The following GLIS3 variants were observed in gnomAD, a reference collection of about 807,000 sequenced individuals.
The protein encoded by GLIS3 is zinc finger protein GLIS3.
In GLIS3, 53 loss-of-function variants were observed where a neutral mutation model predicts 78.6. That is an observed-to-expected ratio of 0.67 (90% CI 0.54 to 0.85). GLIS3 has a LOEUF of 0.85. GLIS3 is among the 40% of genes least tolerant of loss of function. The probability of loss-of-function intolerance (pLI) is 0.00; values close to 1 mark genes in which losing one functional copy is unlikely to be tolerated. For synonymous variants in GLIS3, 684 were observed against 509.9 expected, an observed-to-expected ratio of 1.34 and a Z score of -4.60; for missense variants, 1,703 against 1,231.1, an observed-to-expected ratio of 1.38 and a Z score of -5.74.
At chr9:4,450,763 A>G in the GLIS3 span, among the ~76,000 whole-genome samples, 5 of 152,228 alleles carry the variant, frequency 3.3e-5, no homozygotes, top group African/African-American at 9.6e-5. Flanking sequence ...TCACAAGTGA[A>G]GGAGAAATAA....
intron 4 of GLIS3, among the ~76,000 whole-genome samples, chr9:4,094,016 A>G (rs1829737508): frequency 6.6e-6 from 1 of 152,182 alleles, no homozygotes; most frequent in Non-Finnish European, 1.5e-5. Context: ...TCCTCGTTGA[A>G]TTCAGTTTCC....
chr9:4,083,736 G>GA (rs1391556034), intron 4 of GLIS3, among the ~76,000 whole-genome samples: 3 of 152,080 alleles, frequency 2.0e-5, no homozygotes, highest in Non-Finnish European at 4.4e-5. Context: ...AAAAACACAA[G>GA]AAAAAATCCA....
At chr9:4,148,132 A>G (rs576972432) in intron 2 of GLIS3, among the ~76,000 whole-genome samples, 1 of 152,158 alleles carries the variant, frequency 6.6e-6, no homozygotes, top group Non-Finnish European at 1.5e-5. Flanking sequence ...TTAACATTTA[A>G]CTTGAACACC....
the GLIS3 span, among the ~76,000 whole-genome samples, chr9:4,362,547 G>A: frequency 3.3e-5 from 5 of 152,178 alleles, no homozygotes; most frequent in African/African-American, 4.8e-5. Context: ...CTCAAAAACA[G>A]GCATTTTATG....
intron 4 of GLIS3, among the ~76,000 whole-genome samples, chr9:3,969,212 A>C (rs117514266): frequency 1.7e-3 from 263 of 152,332 alleles, no homozygotes; most frequent in South Asian, 4.1e-3. Flanking sequence ...ACAGACGATT[A>C]ATTTGTCAGC....
chr9:4,196,903 CCT>C (rs998283213), intron 2 of GLIS3, among the ~76,000 whole-genome samples: 2 of 152,162 alleles, frequency 1.3e-5, no homozygotes, highest in African/African-American at 4.8e-5. Context: ...AGCCTGTTCC[CCT>C]GAGATCATGG....
intron 2 of GLIS3, among the ~76,000 whole-genome samples, chr9:4,137,873 C>T (rs983144768): frequency 1.3e-5 from 2 of 152,180 alleles, no homozygotes; most frequent in African/African-American, 4.8e-5. Context: ...GAAATGTAAG[C>T]ACATTTTACT....
Position 3,877,245 on chromosome 9 carries a change from A to AT in GLIS3, c.2297+2181dup, listed in dbSNP as rs569740617. Among the ~76,000 whole-genome samples the AT allele has an allele frequency of 3.6e-4, 53 of 147,814 alleles. 1 individual carries two copies. The highest frequency in any genetic ancestry group is 6.4e-4 in the Non-Finnish European group (42 of 65,352). ...CCAAACAGAAAACTATATAAAATGCATTTTTTTAAAAAAATCTTAATTTAT... is the reference window on the plus strand; with the variant it reads ...CCAAACAGAAAACTATATAAAATGCATTTTTTTTAAAAAAATCTTAATTTAT... On this transcript the variant is annotated intron_variant, in intron 8 of 10. Transcript: ENST00000381971.
intron 2 of GLIS3, among the ~76,000 whole-genome samples, chr9:4,256,497 T>C (rs963518567): frequency 5.9e-5 from 9 of 152,180 alleles, no homozygotes; most frequent in Non-Finnish European, 1.2e-4. Context: ...CCGGTAAAAT[T>C]GAAGTTTGGT....
At chr9:4,331,572 T>C (rs1817685987) in intron 2 of GLIS3, among the ~76,000 whole-genome samples, 2 of 152,138 alleles carry the variant, frequency 1.3e-5, no homozygotes, top group South Asian at 4.1e-4. Context: ...ACCAGATAAA[T>C]AATGAAGCTG....
chr9:4,314,872 C>T (rs1817415272), intron 2 of GLIS3, among the ~76,000 whole-genome samples: 1 of 152,212 alleles, frequency 6.6e-6, no homozygotes, highest in African/African-American at 2.4e-5. Context: ...GCCGGGCACC[C>T]AGCGAACCCT....
chr9:4,031,219 G>C (rs1823806518), intron 4 of GLIS3, among the ~76,000 whole-genome samples: 1 of 152,110 alleles, frequency 6.6e-6, no homozygotes, highest in South Asian at 2.1e-4. Flanking sequence ...TAGTCAAAAG[G>C]TGGAAATAAC....
chr9:4,069,721 A>C (rs1827426324), intron 4 of GLIS3, among the ~76,000 whole-genome samples: 1 of 152,118 alleles, frequency 6.6e-6, no homozygotes, highest in Admixed American at 6.6e-5. Context: ...AGGGAAATTA[A>C]GCCATTAAAT....
the GLIS3 span, among the ~76,000 whole-genome samples, chr9:4,393,349 G>A: frequency 1.5e-4 from 23 of 152,022 alleles, no homozygotes; most frequent in African/African-American, 3.4e-4. Context: ...AATATTCAGC[G>A]TATATTTTAC....
the GLIS3 span, among the ~76,000 whole-genome samples, chr9:4,448,575 T>C: frequency 6.6e-6 from 1 of 152,230 alleles, no homozygotes; most frequent in African/African-American, 2.4e-5. Flanking sequence ...ATTTCCAGCT[T>C]CTTGTGGGCA....
chr9:3,905,047 A>C (rs1287663213), intron 6 of GLIS3, among the ~76,000 whole-genome samples: 1 of 147,686 alleles, frequency 6.8e-6, no homozygotes, highest in East Asian at 2.0e-4. Flanking sequence ...ATCTCGGCTC[A>C]CTGCAAGCTC....
chr9:4,372,606 A>C, the GLIS3 span, among the ~76,000 whole-genome samples: 171 of 152,162 alleles, frequency 1.1e-3, no homozygotes, highest in Non-Finnish European at 1.6e-3. Context: ...TTCTAACTTA[A>C]GGAATTTGCG....
chr9:4,418,843 T>C, the GLIS3 span, among the ~76,000 whole-genome samples: 2 of 152,148 alleles, frequency 1.3e-5, no homozygotes, highest in South Asian at 2.1e-4. Flanking sequence ...AAGAGAAAAG[T>C]ATTGTATGTA....
chr9:4,218,401 C>T (rs1206948685), intron 2 of GLIS3, among the ~76,000 whole-genome samples: 1 of 152,158 alleles, frequency 6.6e-6, no homozygotes, highest in African/African-American at 2.4e-5. Context: ...GCCTCAGCCT[C>T]CTGAGTAGCT....
Sources: gnomAD v4.1 joint callset for allele counts (sites outside exome capture counted in the v4.1 genomes callset) on GRCh38, gnomAD v4.1.1 for gene constraint, MANE v1.5 for transcripts, NCBI Gene and HGNC (gene_info 2026-07-23, HGNC 2026-07-21) for gene names.